CNTNAP2: variants seen among roughly 807,000 people sequenced by gnomAD.
CNTNAP2 encodes the protein contactin-associated protein-like 2.
A neutral mutation model predicts 155.2 loss-of-function variants in CNTNAP2; 98 were observed. That is an observed-to-expected ratio of 0.63 (90% confidence interval 0.54 to 0.75). The LOEUF is 0.75. Among genes scored for constraint, CNTNAP2 ranks in the 30% least tolerant of loss-of-function variants. The pLI is 0.00. For missense variants in CNTNAP2, 1,727 were observed against 1,688.1 expected (o/e 1.02, Z -0.40); for synonymous variants, 651 against 631.2 (o/e 1.03, Z -0.47).
intron 1 of CNTNAP2, among the ~76,000 whole-genome samples, chr7:146,131,217 A>G (rs1285928908): frequency 6.6e-6 from 1 of 152,158 alleles, no homozygotes; most frequent in Non-Finnish European, 1.5e-5. Flanking sequence ...TGGCATTACT[A>G]TGTTCTACTG....
At chr7:148,268,180 G>A (rs915819850) in intron 21 of CNTNAP2, among the ~76,000 whole-genome samples, 1 of 152,148 alleles carries the variant, frequency 6.6e-6, no homozygotes, top group Non-Finnish European at 1.5e-5. Flanking sequence ...GTTCATATGA[G>A]GCTGTGTACT....
chr7:147,831,601 C>G (rs1401457518), intron 13 of CNTNAP2, among the ~76,000 whole-genome samples: 1 of 152,140 alleles, frequency 6.6e-6, no homozygotes, highest in African/African-American at 2.4e-5. Flanking sequence ...TCTTATTATT[C>G]CTAGGACCTA....
intron 21 of CNTNAP2, among the ~76,000 whole-genome samples, chr7:148,300,860 G>A (rs1797374680): frequency 6.6e-6 from 1 of 151,504 alleles, no homozygotes; most frequent in African/African-American, 2.4e-5. Flanking sequence ...GCCAGGGGCT[G>A]GGAGGAGGGA....
chr7:148,140,211 G>A (rs1805032467), intron 16 of CNTNAP2, among the ~76,000 whole-genome samples: 1 of 152,090 alleles, frequency 6.6e-6, no homozygotes, highest in South Asian at 2.1e-4. Flanking sequence ...GTAACAATTT[G>A]CATGGGGTAT....
In CNTNAP2 at chr7:146,721,264, C is replaced by T. The variant is rs867718967; in HGVS notation, c.98-53007C>T. Among the ~76,000 whole-genome samples the T allele has an allele frequency of 2.5e-4, 31 of 124,736 alleles. 1 individual carries two copies. Among genetic ancestry groups the T allele is most frequent in the African/African-American group, 9.4e-4 (30 of 31,804 alleles). The allele number at this position is 124,736 out of a possible 152,430, so 81.8% of individuals were successfully genotyped here. ...TCTCTCTATATTCTCTATATACTCT[C>T]TATATATTCTATATATATTCTATAT... is the stretch of plus-strand genomic sequence containing the variant. On this transcript the variant is annotated intron_variant, in intron 1 of 23. Coordinates refer to ENST00000361727, the MANE Select transcript of CNTNAP2 (RefSeq NM_014141.6).
At position 147,091,841 on chromosome 7, in the gene CNTNAP2, C is replaced by T. The variant is rs576061622; in HGVS notation, c.551-16306C>T. Among the ~76,000 whole-genome samples the T allele has an allele frequency of 3.3e-5, 5 of 152,234 alleles. No individual in the cohort carries two copies. The East Asian group carries it at 7.7e-4, about 24-fold the overall frequency. ...CAGGATGATCTCGATCTCCTGACCT[C>T]GTGATCCACCTGTCTGGGCCTCCCA... On this transcript the variant is annotated intron_variant, in intron 4 of 23. Transcript: ENST00000361727.
chr7:146,607,173 C>T (rs920009402), intron 1 of CNTNAP2, among the ~76,000 whole-genome samples: 1 of 152,108 alleles, frequency 6.6e-6, no homozygotes, highest in Non-Finnish European at 1.5e-5. Flanking sequence ...TATGTAGAAA[C>T]AGTGATAGTC....
At chr7:148,355,723 A>G (rs1367705698) in intron 21 of CNTNAP2, among the ~76,000 whole-genome samples, 1 of 152,236 alleles carries the variant, frequency 6.6e-6, no homozygotes. Context: ...AGCCATAGTC[A>G]TATCTATCAC....
intron 16 of CNTNAP2, among the ~76,000 whole-genome samples, chr7:148,119,589 T>C (rs1416547119): frequency 6.6e-6 from 1 of 152,202 alleles, no homozygotes; most frequent in African/African-American, 2.4e-5. Flanking sequence ...AGTGCTTATG[T>C]TCCTGGGTCT....
At chr7:146,946,059 C>CCCTTCCTTCCTTCCCTT (rs1797164197) in intron 3 of CNTNAP2, among the ~76,000 whole-genome samples, 2 of 144,054 alleles carry the variant, frequency 1.4e-5, no homozygotes, top group Admixed American at 6.9e-5. Context: ...GAAAAGGAGA[C>CCCTTCCTTCCTTCCCTT]CCTTCCTTCC....
intron 15 of CNTNAP2, among the ~76,000 whole-genome samples, chr7:148,066,244 C>A (rs539090481): frequency 6.6e-6 from 1 of 152,250 alleles, no homozygotes; most frequent in Admixed American, 6.5e-5. Context: ...CTTTAGATAA[C>A]CTAATGACTA....
At chr7:147,057,580 G>A (rs1281686794) in intron 4 of CNTNAP2, among the ~76,000 whole-genome samples, 2 of 152,040 alleles carry the variant, frequency 1.3e-5, no homozygotes, top group African/African-American at 4.8e-5. Flanking sequence ...GGAATCTTTT[G>A]CAACATCCCT....
At chr7:146,795,611 T>C (rs1182504691) in intron 2 of CNTNAP2, among the ~76,000 whole-genome samples, 1 of 152,172 alleles carries the variant, frequency 6.6e-6, no homozygotes, top group Non-Finnish European at 1.5e-5. Flanking sequence ...GCTGGAGACT[T>C]TATATGCCTA....
At chr7:146,298,787 G>C (rs531933315) in intron 1 of CNTNAP2, among the ~76,000 whole-genome samples, 16 of 152,334 alleles carry the variant, frequency 1.1e-4, no homozygotes, top group African/African-American at 3.6e-4. Context: ...GAATGTAAGA[G>C]TGATAGTGAT....
At chr7:147,988,608 A>G (rs1801660314) in intron 15 of CNTNAP2, among the ~76,000 whole-genome samples, 1 of 152,072 alleles carries the variant, frequency 6.6e-6, no homozygotes, top group Non-Finnish European at 1.5e-5. Flanking sequence ...AAAAACAATC[A>G]GAGTTTAGTC....
chr7:147,828,199 C>T (rs1798490775), intron 13 of CNTNAP2, among the ~76,000 whole-genome samples: 1 of 150,932 alleles, frequency 6.6e-6, no homozygotes, highest in African/African-American at 2.4e-5. Context: ...TTGTTCACTG[C>T]TACTTACTAT....
intron 3 of CNTNAP2, among the ~76,000 whole-genome samples, chr7:146,840,674 T>G (rs564439339): frequency 1.3e-5 from 2 of 152,164 alleles, no homozygotes; most frequent in Non-Finnish European, 2.9e-5. Flanking sequence ...AGGGTTCACT[T>G]TTAAAATCAT....
intron 1 of CNTNAP2, among the ~76,000 whole-genome samples, chr7:146,549,423 T>C (rs1798081425): frequency 6.6e-6 from 1 of 152,044 alleles, no homozygotes; most frequent in African/African-American, 2.4e-5. Context: ...ATATCTGTAC[T>C]GTAAGGAAAA....
chr7:147,359,042 G>T (rs546328775), intron 9 of CNTNAP2, among the ~76,000 whole-genome samples: 21 of 152,202 alleles, frequency 1.4e-4, no homozygotes, highest in African/African-American at 4.6e-4. Flanking sequence ...TTTTAAACTT[G>T]CTTAATCTCT....
Sources: allele counts gnomAD v4.1 joint callset (sites outside exome capture counted in the v4.1 genomes callset), GRCh38; gene constraint gnomAD v4.1.1; transcripts MANE v1.5; gene names NCBI Gene and HGNC (gene_info 2026-07-23, HGNC 2026-07-21).